The following TMEM135 variants were observed in gnomAD, a reference collection of about 807,000 sequenced individuals.
TMEM135 encodes the protein transmembrane protein 135.
TMEM135 carries 30 observed loss-of-function variants against 60.3 expected under a neutral mutation model. That is an observed-to-expected ratio of 0.50 (90% CI 0.37 to 0.68). The LOEUF (loss-of-function observed/expected upper bound fraction) is 0.68. TMEM135 is among the 30% of genes least tolerant of loss of function. TMEM135 has a pLI of 0.00. For missense variants in TMEM135, 468 were observed against 548.8 expected (o/e 0.85, Z 1.47); for synonymous variants, 190 against 186.7 (o/e 1.02, Z -0.14).
At chr11:87,236,198 T>G (rs567463888) in intron 5 of TMEM135, among the ~76,000 whole-genome samples, 2 of 152,040 alleles carry the variant, frequency 1.3e-5, no homozygotes, top group East Asian at 3.9e-4. Flanking sequence ...TATATATAAT[T>G]ATATACATGA....
chr11:87,147,786 C>T (rs556862820), intron 4 of TMEM135, among the ~76,000 whole-genome samples: 9 of 152,240 alleles, frequency 5.9e-5, no homozygotes, highest in African/African-American at 2.2e-4. Flanking sequence ...GAGACAAAGT[C>T]TTACTTTGTT....
chr11:87,309,403 A>T (rs1164460767), intron 9 of TMEM135, 102 bp from the exon 10 acceptor site: 11 of 1,231,618 alleles, frequency 8.9e-6, no homozygotes, highest in Admixed American at 3.5e-5. Flanking sequence ...CTTAGATTAA[A>T]TTTGTTTTGT....
intron 5 of TMEM135, among the ~76,000 whole-genome samples, chr11:87,211,336 G>A (rs979470985): frequency 1.3e-5 from 2 of 152,280 alleles, no homozygotes; most frequent in African/African-American, 2.4e-5. Context: ...AGTTCATAGA[G>A]TATTTTAATA....
intron 6 of TMEM135, among the ~76,000 whole-genome samples, chr11:87,260,878 A>G (rs535672698): frequency 3.5e-4 from 54 of 152,164 alleles, no homozygotes; most frequent in Non-Finnish European, 7.1e-4. Flanking sequence ...AAAAATGCAG[A>G]TTAAGATTCA....
intron 5 of TMEM135, among the ~76,000 whole-genome samples, chr11:87,225,047 T>C (rs1366865929): frequency 6.6e-6 from 1 of 152,178 alleles, no homozygotes; most frequent in Non-Finnish European, 1.5e-5. Context: ...TTGTTCATTG[T>C]ATAGGTAACG....
At chr11:87,043,683 A>G (rs560796166) in intron 1 of TMEM135, among the ~76,000 whole-genome samples, 128 of 152,012 alleles carry the variant, frequency 8.4e-4, no homozygotes, top group Non-Finnish European at 1.4e-3. Context: ...AGATCACGCC[A>G]CTGCACTCCA....
intron 4 of TMEM135, among the ~76,000 whole-genome samples, chr11:87,103,545 TTTAA>T (rs1857516679): frequency 6.6e-6 from 1 of 152,078 alleles, no homozygotes; most frequent in Admixed American, 6.5e-5. Context: ...TGCCCATTTT[TTTAA>T]TTGAGTTGTT....
intron 2 of TMEM135, among the ~76,000 whole-genome samples, chr11:87,068,808 CA>C (rs3045939): frequency 0.26 from 32,755 of 127,670 alleles, 3,542 homozygotes; most frequent in African/African-American, 0.27. Flanking sequence ...CAGACTGTCT[CA>C]AAAAAAAAAA....
At chr11:87,319,192 G>A in intron 13 of TMEM135, 118 bp from the exon 14 acceptor site, 1 of 855,132 alleles carries the variant, frequency 1.2e-6, no homozygotes, top group Non-Finnish European at 2.0e-6. Context: ...TTATTTGAAG[G>A]CATATTTACA....
intron 6 of TMEM135, among the ~76,000 whole-genome samples, chr11:87,274,366 G>A (rs301598): frequency 0.97 from 147,713 of 152,274 alleles, 71,741 homozygotes; most frequent in East Asian, 1. Flanking sequence ...GCTTATAACA[G>A]TCTCTGCCCT....
chr11:87,288,999 C>T (rs1012798242), intron 6 of TMEM135, among the ~76,000 whole-genome samples: 1 of 152,042 alleles, frequency 6.6e-6, no homozygotes, highest in Non-Finnish European at 1.5e-5. Context: ...GTAAATAAAA[C>T]AAGTAATATT....
chr11:87,176,427 A>C (rs1939369992), intron 5 of TMEM135, among the ~76,000 whole-genome samples: 1 of 152,118 alleles, frequency 6.6e-6, no homozygotes, highest in East Asian at 1.9e-4. Flanking sequence ...TCCCTTTTTA[A>C]AAAAATAAAT....
intron 4 of TMEM135, among the ~76,000 whole-genome samples, chr11:87,130,903 A>T (rs1937907594): frequency 6.6e-6 from 1 of 151,578 alleles, no homozygotes; most frequent in African/African-American, 2.4e-5. Context: ...AAAAGGTGCT[A>T]ATTCTAATTT....
intron 5 of TMEM135, among the ~76,000 whole-genome samples, chr11:87,228,958 G>A (rs979095363): frequency 2.6e-5 from 4 of 152,134 alleles, no homozygotes; most frequent in African/African-American, 9.7e-5. Context: ...ACATGACATA[G>A]TGATGACAGA....
intron 8 of TMEM135, among the ~76,000 whole-genome samples, chr11:87,305,616 A>T (rs758180190): frequency 1.5e-4 from 23 of 152,136 alleles, no homozygotes; most frequent in Non-Finnish European, 2.4e-4. Flanking sequence ...TCTACTAAAA[A>T]TACAAAAATT....
chr11:87,289,785 T>G (rs962667529), intron 6 of TMEM135, among the ~76,000 whole-genome samples: 1 of 152,074 alleles, frequency 6.6e-6, no homozygotes, highest in African/African-American at 2.4e-5. Context: ...TTCCCCCTAC[T>G]GTTTCCAGCC....
At chr11:87,300,218 G>T (rs1942419442) in intron 7 of TMEM135, among the ~76,000 whole-genome samples, 1 of 152,194 alleles carries the variant, frequency 6.6e-6, no homozygotes, top group African/African-American at 2.4e-5. Flanking sequence ...GATATGTGTA[G>T]TCAGTTCAGA....
chr11:87,087,282 C>G (rs890873790), intron 3 of TMEM135, among the ~76,000 whole-genome samples: 1 of 105,532 alleles, frequency 9.5e-6, no homozygotes, highest in Non-Finnish European at 1.8e-5. Context: ...CACCTTTGGT[C>G]TTATTTTCAA....
chr11:87,085,610 A>G (rs1236910319), intron 3 of TMEM135, among the ~76,000 whole-genome samples: 3 of 152,062 alleles, frequency 2.0e-5, no homozygotes, highest in Non-Finnish European at 2.9e-5. Context: ...ACAAAAAATT[A>G]GCTGGGTGTG....
Sources: allele counts gnomAD v4.1 joint callset (sites outside exome capture counted in the v4.1 genomes callset), GRCh38; gene constraint gnomAD v4.1.1; transcripts MANE v1.5; gene names NCBI Gene and HGNC (gene_info 2026-07-23, HGNC 2026-07-21).